MND1: variants seen among roughly 807,000 people sequenced by gnomAD.
MND1 encodes the protein meiotic nuclear divisions 1.
Under a neutral mutation model 35.1 loss-of-function variants are expected in MND1, and 28 were observed. That is an observed-to-expected ratio of 0.80 (90% CI 0.59 to 1.09). The LOEUF is 1.09. MND1 is among the 50% of genes least tolerant of loss of function. The pLI is 0.00. For missense variants in MND1, 213 were observed against 239.6 expected (o/e 0.89, Z 0.73); for synonymous variants, 69 against 70.5 (o/e 0.98, Z 0.11).
rs1773028257 is a variant in MND1, at chr4:153,344,751, A to G, written c.3+11A>G. The G allele has an allele frequency of 2.5e-6, 4 of 1,601,178 alleles. No individual in the cohort carries two copies. Among genetic ancestry groups the G allele is most frequent in the Non-Finnish European group, 3.4e-6 (4 of 1,175,014 alleles). On this transcript the variant is annotated intron_variant, in intron 1 of 7. Transcript: ENST00000240488. ...TGCGCCCGCGCCATGGTAAGGACTG[A>G]GGCTACGGTCCCGCGTCTTCTTCCT...
intron 4 of MND1, among the ~76,000 whole-genome samples, chr4:153,389,959 C>T (rs1304335066): frequency 6.6e-6 from 1 of 152,110 alleles, no homozygotes; most frequent in Non-Finnish European, 1.5e-5. Flanking sequence ...TTATTGGGCC[C>T]CACCCCAGAT....
At chr4:153,381,559 A>T (rs7684378) in intron 4 of MND1, among the ~76,000 whole-genome samples, 63,408 of 143,494 alleles carry the variant, frequency 0.44, 16,868 homozygotes, top group African/African-American at 0.77. Flanking sequence ...TTAATTTCAA[A>T]TTGTTTGGGC....
chr4:153,414,373 C>T (rs888129345), intron 7 of MND1, among the ~76,000 whole-genome samples: 2 of 150,436 alleles, frequency 1.3e-5, no homozygotes, highest in Admixed American at 6.6e-5. Flanking sequence ...CCTCCGCCTC[C>T]CAGGTTCAAA....
chr4:153,356,826 C>T (rs1020510798), intron 3 of MND1, among the ~76,000 whole-genome samples: 1 of 151,650 alleles, frequency 6.6e-6, no homozygotes, highest in African/African-American at 2.4e-5. Context: ...TTATTTGAGA[C>T]AGAGTCTACT....
At chr4:153,404,886 C>T (rs146110530) in intron 6 of MND1, among the ~76,000 whole-genome samples, 8 of 151,982 alleles carry the variant, frequency 5.3e-5, no homozygotes, top group African/African-American at 1.9e-4. Context: ...ACCTCTACAC[C>T]TGGCTAATTT....
In MND1 at chr4:153,350,256, T is replaced by C. The variant is rs1374684723; in HGVS notation, c.69+127T>C. ...TCAATTTCTTGAAGAATGGGTAAGA[T>C]TCTGCAAATATTTGTGGTTCCTGTG... On this transcript the variant is annotated intron_variant, in intron 2 of 7. Transcript: ENST00000240488. The C allele has an allele frequency of 4.7e-6, 3 of 644,336 alleles. No individual in the cohort carries two copies. The African/African-American group carries it at 5.5e-5, about 12-fold the overall frequency. 39.9% of individuals were successfully genotyped at this position (644,336 alleles called of 1,614,324 possible). A position where few individuals can be genotyped will look rare whatever the true frequency, so the allele number is the denominator to read the frequency against.
chr4:153,378,064 A>G (rs1451567729), intron 4 of MND1, among the ~76,000 whole-genome samples: 2 of 152,176 alleles, frequency 1.3e-5, no homozygotes, highest in Non-Finnish European at 2.9e-5. Flanking sequence ...CGTGGAATGC[A>G]GTCTCTGAGA....
intron 4 of MND1, among the ~76,000 whole-genome samples, chr4:153,378,017 AG>A (rs1490634353): frequency 1.3e-5 from 2 of 152,166 alleles, no homozygotes; most frequent in African/African-American, 4.8e-5. Context: ...CTTTCTTTGA[AG>A]GCAGGGTCTA....
At chr4:153,386,826 T>C (rs1728881601) in intron 4 of MND1, among the ~76,000 whole-genome samples, 1 of 152,190 alleles carries the variant, frequency 6.6e-6, no homozygotes, top group Non-Finnish European at 1.5e-5. Flanking sequence ...TATAATCCCC[T>C]ACATGTTTTT....
intron 4 of MND1, among the ~76,000 whole-genome samples, chr4:153,359,968 G>T (rs1405707730): frequency 1.3e-5 from 2 of 151,804 alleles, no homozygotes; most frequent in East Asian, 1.9e-4. Flanking sequence ...TGTATTTTTA[G>T]TAGAGACGGG....
At chr4:153,352,746 TAA>T (rs56770218) in intron 2 of MND1, among the ~76,000 whole-genome samples, 18,617 of 114,930 alleles carry the variant, frequency 0.16, 1,531 homozygotes, top group African/African-American at 0.23. Flanking sequence ...GACCCTATCT[TAA>T]AAAAAAAAAA....
chr4:153,377,992 G>C (rs868204466), intron 4 of MND1, among the ~76,000 whole-genome samples: 2 of 152,050 alleles, frequency 1.3e-5, no homozygotes, highest in Non-Finnish European at 2.9e-5. Context: ...TATGTGCCTT[G>C]TTTTCTATGG....
chr4:153,352,005 A>G (rs1483922543), intron 2 of MND1, among the ~76,000 whole-genome samples: 1 of 151,844 alleles, frequency 6.6e-6, no homozygotes, highest in Non-Finnish European at 1.5e-5. Flanking sequence ...GCCTCTAATC[A>G]TAAGTGGGCT....
chr4:153,367,780 A>AC (rs1390023586), intron 4 of MND1, among the ~76,000 whole-genome samples: 2 of 152,184 alleles, frequency 1.3e-5, no homozygotes, highest in Non-Finnish European at 2.9e-5. Context: ...TGCCAGAGCA[A>AC]CTGCGCCATT....
At chr4:153,345,958 AATCT>A (rs35373279) in intron 1 of MND1, among the ~76,000 whole-genome samples, 27,307 of 152,100 alleles carry the variant, frequency 0.18, 2,535 homozygotes, top group African/African-American at 0.22. Flanking sequence ...CCTTTTACCT[AATCT>A]ATCTCTCTAC....
rs752754405 is a variant in MND1 at position 153,358,671 on chromosome 4, T to G, written c.276+49T>G. On this transcript the variant is annotated intron_variant, in intron 4 of 7. Transcript: ENST00000240488. Reference sequence around the variant, plus strand: ...ATAGAGTTGCTTTATAACGGAGAGTTGTTTTACTTCATCCTCTTTTTGTTT... The same window carrying G: ...ATAGAGTTGCTTTATAACGGAGAGTGGTTTTACTTCATCCTCTTTTTGTTT... 3.3e-6 allele frequency: 5 copies of G among 1,535,470 alleles called. No individual in the cohort carries two copies. In the African/African-American group the frequency reaches 5.6e-5, roughly 17 times the overall value.
intron 2 of MND1, among the ~76,000 whole-genome samples, chr4:153,353,802 C>T (rs369915664): frequency 4.1e-4 from 62 of 152,236 alleles, no homozygotes; most frequent in African/African-American, 1.5e-3. Context: ...TCACTGCAGC[C>T]TCCACCTCCC....
intron 4 of MND1, among the ~76,000 whole-genome samples, chr4:153,391,023 A>C (rs1034627415): frequency 6.6e-6 from 1 of 151,876 alleles, no homozygotes; most frequent in African/African-American, 2.4e-5. Context: ...TTATTTTAAA[A>C]ACACTTTTAA....
chr4:153,373,961 G>A (rs1315275264), intron 4 of MND1, among the ~76,000 whole-genome samples: 1 of 152,172 alleles, frequency 6.6e-6, no homozygotes, highest in Non-Finnish European at 1.5e-5. Context: ...TTTTAGAGAA[G>A]CAATATGGCT....
Sources: allele counts gnomAD v4.1 joint callset (sites outside exome capture counted in the v4.1 genomes callset), GRCh38; gene constraint gnomAD v4.1.1; transcripts MANE v1.5; gene names NCBI Gene and HGNC (gene_info 2026-07-23, HGNC 2026-07-21).